The following MOB3B variants were observed in gnomAD, a reference collection of about 807,000 sequenced individuals.
MOB3B encodes the protein MOB kinase activator-like 2B.
MOB3B carries 7 observed loss-of-function variants against 18.7 expected under a neutral mutation model. That is an observed-to-expected ratio of 0.37 (90% CI 0.21 to 0.70). The LOEUF is 0.70. Ranked by LOEUF, MOB3B falls within the 30% of genes least tolerant of loss-of-function variation. MOB3B has a pLI of 0.52. For synonymous variants in MOB3B, 111 were observed against 99.9 expected (o/e 1.11, Z -0.66); for missense variants, 253 against 281.3 (o/e 0.90, Z 0.72).
chr9:27,488,570 G>T (rs1419119060), intron 1 of MOB3B, among the ~76,000 whole-genome samples: 1 of 152,074 alleles, frequency 6.6e-6, no homozygotes, highest in African/African-American at 2.4e-5. Flanking sequence ...ACCACACTCG[G>T]CTAACTTTTG....
intron 1 of MOB3B, among the ~76,000 whole-genome samples, chr9:27,484,984 A>G (rs1402848747): frequency 6.6e-6 from 1 of 152,090 alleles, no homozygotes; most frequent in Non-Finnish European, 1.5e-5. Flanking sequence ...CAACACATGA[A>G]CCACCCCGGA....
chr9:27,520,402 G>A (rs1399539763), intron 1 of MOB3B, among the ~76,000 whole-genome samples: 2 of 152,226 alleles, frequency 1.3e-5, no homozygotes, highest in Non-Finnish European at 2.9e-5. Context: ...TAGCATGTCA[G>A]TGCATAGCCT....
At chr9:27,464,505 C>T (rs1819346597) in intron 1 of MOB3B, among the ~76,000 whole-genome samples, 1 of 152,158 alleles carries the variant, frequency 6.6e-6, no homozygotes, top group Non-Finnish European at 1.5e-5. Flanking sequence ...TCCCACTAAT[C>T]CCTCAAACAC....
At chr9:27,483,277 C>T (rs1020318712) in intron 1 of MOB3B, among the ~76,000 whole-genome samples, 41 of 151,820 alleles carry the variant, frequency 2.7e-4, no homozygotes, top group Non-Finnish European at 4.6e-4. Flanking sequence ...GGACTACAGG[C>T]GCCCGCTGCC....
At chr9:27,365,788 G>C (rs1306989415) in intron 2 of MOB3B, among the ~76,000 whole-genome samples, 1 of 152,242 alleles carries the variant, frequency 6.6e-6, no homozygotes, top group East Asian at 1.9e-4. Flanking sequence ...AGGTGTCCAA[G>C]GATAACCCTG....
chr9:27,383,825 A>G (rs1821613521), intron 2 of MOB3B, among the ~76,000 whole-genome samples: 1 of 152,200 alleles, frequency 6.6e-6, no homozygotes, highest in African/African-American at 2.4e-5. Flanking sequence ...AAATGGTTGC[A>G]ATTACCTTAC....
chr9:27,405,093 C>CTTTTTTTTT lies in MOB3B; in HGVS notation c.419-45866_419-45858dup, dbSNP rs74178386. Among the ~76,000 whole-genome samples, 28 of 48,418 alleles carry CTTTTTTTTT rather than the reference C, an allele frequency of 5.8e-4. 6 individuals carry two copies. Among genetic ancestry groups the CTTTTTTTTT allele is most frequent in the African/African-American group, 2.2e-3 (25 of 11,334 alleles). The allele number at this position is 48,418 out of a possible 152,430, so 31.8% of individuals were successfully genotyped here. A position where few individuals can be genotyped will look rare whatever the true frequency, so the allele number is the denominator to read the frequency against. On this transcript the variant is annotated intron_variant, in intron 2 of 3. Transcript: ENST00000262244. ...AGAAATATCTATTCAGAACCTTTGTCTTTTTTTTTTTTTTTTTTTTTTTTT... is the reference window on the plus strand; with the variant it reads ...AGAAATATCTATTCAGAACCTTTGTCTTTTTTTTTTTTTTTTTTTTTTTTTTTTTTTTTT...
intron 1 of MOB3B, among the ~76,000 whole-genome samples, chr9:27,496,260 C>G (rs1217733630): frequency 6.6e-6 from 1 of 152,126 alleles, no homozygotes; most frequent in Non-Finnish European, 1.5e-5. Flanking sequence ...ACCACTATAG[C>G]AAAGTCTGGT....
At chr9:27,472,022 G>C (rs892765153) in intron 1 of MOB3B, among the ~76,000 whole-genome samples, 2 of 152,178 alleles carry the variant, frequency 1.3e-5, no homozygotes, top group African/African-American at 2.4e-5. Context: ...TAACCACAAT[G>C]TGTAGACTTG....
At chr9:27,515,890 T>A (rs1001725523) in intron 1 of MOB3B, among the ~76,000 whole-genome samples, 1 of 152,174 alleles carries the variant, frequency 6.6e-6, no homozygotes, top group African/African-American at 2.4e-5. Context: ...TGTGGCCTTA[T>A]TTGGAAACAA....
At chr9:27,513,335 A>G (rs996869629) in intron 1 of MOB3B, among the ~76,000 whole-genome samples, 4 of 152,086 alleles carry the variant, frequency 2.6e-5, no homozygotes, top group African/African-American at 9.7e-5. Flanking sequence ...TCTGCCCTCA[A>G]CCTGGCCTCC....
chr9:27,358,983 G>T, intron 3 of MOB3B, 51 bp downstream of exon 3: 1 of 1,570,990 alleles, frequency 6.4e-7, no homozygotes, highest in Non-Finnish European at 8.8e-7. Context: ...TCTGACAAAT[G>T]GCCGAGCTCC....
rs112951998 is a variant in MOB3B, at chr9:27,518,751, G to A, written c.-199+10804C>T. On this transcript the variant is annotated intron_variant, in intron 1 of 3. Transcript: ENST00000262244. The stretch of plus-strand genomic sequence containing the variant: ...TACAGGGAGCATCATGTACAAAAAA[G>A]CAGCAAAAGGGGGTGGTGGAGAGGA... Among the ~76,000 whole-genome samples the A allele has an allele frequency of 3.2e-3, 483 of 152,262 alleles. 4 individuals are homozygous for A. The highest frequency in any genetic ancestry group is 0.011 in the African/African-American group (469 of 41,554).
intron 2 of MOB3B, among the ~76,000 whole-genome samples, chr9:27,381,323 C>T (rs1303073311): frequency 6.6e-6 from 1 of 152,082 alleles, no homozygotes; most frequent in African/African-American, 2.4e-5. Context: ...GCTGTTGCCT[C>T]TCGGTGTTGC....
intron 1 of MOB3B, among the ~76,000 whole-genome samples, chr9:27,462,654 T>C (rs139890532): frequency 1.3e-5 from 2 of 152,356 alleles, no homozygotes; most frequent in East Asian, 1.9e-4. Flanking sequence ...AAACAGCGTA[T>C]GTCAATCCTT....
At chr9:27,520,527 G>A (rs771392740) in intron 1 of MOB3B, among the ~76,000 whole-genome samples, 1 of 152,104 alleles carries the variant, frequency 6.6e-6, no homozygotes, top group Non-Finnish European at 1.5e-5. Context: ...CAATACCTCT[G>A]GCTTTACAGA....
At chr9:27,346,722 C>A (rs904892991) in intron 3 of MOB3B, among the ~76,000 whole-genome samples, 1 of 152,274 alleles carries the variant, frequency 6.6e-6, no homozygotes, top group East Asian at 1.9e-4. Flanking sequence ...AGGCCGGGTG[C>A]GGTGGCTCAT....
chr9:27,363,753 T>C (rs933892777), intron 2 of MOB3B, among the ~76,000 whole-genome samples: 8 of 152,120 alleles, frequency 5.3e-5, no homozygotes, highest in Non-Finnish European at 8.8e-5. Context: ...AATTTATTCA[T>C]TGTTTAAGGA....
intron 1 of MOB3B, among the ~76,000 whole-genome samples, chr9:27,527,180 G>T (rs967637896): frequency 1.2e-4 from 19 of 152,080 alleles, no homozygotes; most frequent in Admixed American, 2.0e-4. Flanking sequence ...TTCCTTAGCG[G>T]GGTAGGCCAA....
Sources: allele counts gnomAD v4.1 joint callset (sites outside exome capture counted in the v4.1 genomes callset), GRCh38; gene constraint gnomAD v4.1.1; transcripts MANE v1.5; gene names NCBI Gene and HGNC (gene_info 2026-07-23, HGNC 2026-07-21).